The following GAK variants were observed in gnomAD, a reference collection of about 807,000 sequenced individuals.
GAK encodes cyclin G associated kinase.
GAK carries 79 observed loss-of-function variants against 143.9 expected under a neutral mutation model. The observed-to-expected ratio is 0.55, with a 90% CI of 0.46 to 0.66. The LOEUF (loss-of-function observed/expected upper bound fraction) is 0.66. Among genes scored for constraint, GAK ranks in the 30% least tolerant of loss-of-function variants. The probability of loss-of-function intolerance (pLI) is 0.00; values close to 1 mark genes in which losing one functional copy is unlikely to be tolerated. For missense variants in GAK, 1,693 were observed against 1,779.7 expected, an observed-to-expected ratio of 0.95 and a Z score of 0.88; for synonymous variants, 881 against 765.5, an observed-to-expected ratio of 1.15 and a Z score of -2.49.
intron 18 of GAK, 109 bp from the exon 19 acceptor site, chr4:871,013 G>C: frequency 1.0e-6 from 1 of 997,960 alleles, no homozygotes; most frequent in South Asian, 1.7e-5. Flanking sequence ...TGCAGGCAGC[G>C]GGGCGAGAAC....
Position 849,625 on chromosome 4 carries a change from C to T in GAK, c.*48G>A, listed in dbSNP as rs371367163. ...CACGGTGGGGACCCAGGTCCCACGA[C>T]GGCTCCCAACCTGTGGAGCTGTGTG... On this transcript the variant is annotated 3_prime_UTR_variant, in exon 28 of 28. Transcript: ENST00000314167. 233 of 1,474,788 alleles carry T rather than the reference C, an allele frequency of 1.6e-4. 2 individuals carry two copies. In the African/African-American group the frequency reaches 2.6e-3, roughly 17 times the overall value. The allele number at this position is 1,474,788 out of a possible 1,614,324, so 91.4% of individuals were successfully genotyped here.
chr4:889,945 T>C (rs913315243), intron 10 of GAK, among the ~76,000 whole-genome samples: 1 of 152,162 alleles, frequency 6.6e-6, no homozygotes, highest in Non-Finnish European at 1.5e-5. Flanking sequence ...AGGGGCCACC[T>C]CACACTAGCG....
At chr4:859,097 G>A in intron 24 of GAK, 2 of 888,780 alleles carry the variant, frequency 2.3e-6, no homozygotes, top group South Asian at 1.0e-4. Flanking sequence ...GGGGCATCAG[G>A]TCAGCCCAAG....
At chr4:876,681 C>A (rs1432362840) in intron 17 of GAK, 72 bp from the exon 18 acceptor site, 2 of 1,346,488 alleles carry the variant, frequency 1.5e-6, no homozygotes, top group Non-Finnish European at 2.1e-6. Flanking sequence ...GCCAATTTTT[C>A]CCAATGGGCG....
chr4:889,106 G>A lies in GAK; in HGVS notation c.1082-136C>T. On this transcript the variant is annotated intron_variant, in intron 10 of 27. Coordinates refer to ENST00000314167, the MANE Select transcript of GAK (RefSeq NM_005255.4). ...CTCGGTCCCACCTCCCCAGGTGCAG[G>A]TTGCTGGCTGGGCCCAGGCAGCAGG... The A allele has an allele frequency of 2.6e-6, 3 of 1,162,702 alleles. No homozygotes were observed. The South Asian group carries it at 4.8e-5, about 19-fold the overall frequency. The allele number at this position is 1,162,702 out of a possible 1,614,324, so 72.0% of individuals were successfully genotyped here.
At chr4:888,543 CG>C (rs1029666485) in intron 11 of GAK, 4 of 364,782 alleles carry the variant, frequency 1.1e-5, no homozygotes, top group Non-Finnish European at 2.0e-5. Context: ...TACAGAGTCC[CG>C]GGAACAAGCC....
intron 23 of GAK, among the ~76,000 whole-genome samples, chr4:864,527 G>A (rs563495259): frequency 1.3e-5 from 2 of 152,194 alleles, no homozygotes; most frequent in Non-Finnish European, 2.9e-5. Flanking sequence ...TGCAGCATAC[G>A]CATCCGCGCT....
At chr4:871,043 C>T (rs1489301645) in intron 18 of GAK, 139 bp from the exon 19 acceptor site, 5 of 727,916 alleles carry the variant, frequency 6.9e-6, no homozygotes, top group Admixed American at 3.1e-5. Context: ...AGCCGGCCAC[C>T]CCCGCCTGCG....
At chr4:906,724 C>T (rs1320277169) in intron 4 of GAK, among the ~76,000 whole-genome samples, 3 of 152,122 alleles carry the variant, frequency 2.0e-5, no homozygotes, top group Non-Finnish European at 2.9e-5. Context: ...CTCTGCTCAT[C>T]CCACTCCACA....
At chr4:869,946 CAA>C (rs1367915928) in intron 19 of GAK, 1 of 151,720 alleles carries the variant, frequency 6.6e-6, no homozygotes, top group African/African-American at 2.4e-5. Context: ...TGCACACACA[CAA>C]ATGGACGGTA....
chr4:862,550 T>A (rs946450634), intron 23 of GAK, among the ~76,000 whole-genome samples: 1 of 151,524 alleles, frequency 6.6e-6, no homozygotes, highest in Non-Finnish European at 1.5e-5. Flanking sequence ...CCCAGCTACT[T>A]GGGAGGCTGA....
chr4:883,921 T>C (rs3736083), intron 12 of GAK, 116 bp downstream of exon 12: 472,937 of 1,027,370 alleles, frequency 0.46, 110,411 homozygotes, highest in South Asian at 0.6. Flanking sequence ...CCTGTGAGTC[T>C]GTGGCCACAG....
chr4:884,691 T>C (rs548087248), intron 11 of GAK, among the ~76,000 whole-genome samples: 1 of 152,236 alleles, frequency 6.6e-6, no homozygotes, highest in Non-Finnish European at 1.5e-5. Context: ...GCAAGGACCC[T>C]GACAGGTTTA....
At chr4:859,556 C>T (rs1344371325) in intron 24 of GAK, 50 bp downstream of exon 24, 1 of 1,587,624 alleles carries the variant, frequency 6.3e-7, no homozygotes, top group South Asian at 1.1e-5. Context: ...CGAGAATAAA[C>T]CTCCTACAAG....
chr4:931,929 C>T, intron 1 of GAK, 114 bp downstream of exon 1: 1 of 793,566 alleles, frequency 1.3e-6, no homozygotes, highest in Non-Finnish European at 2.0e-6. Flanking sequence ...CACGATCCCG[C>T]TGGGACCCTC....
intron 15 of GAK, among the ~76,000 whole-genome samples, chr4:881,652 G>T (rs1057049263): frequency 1.3e-5 from 2 of 152,256 alleles, no homozygotes; most frequent in African/African-American, 4.8e-5. Context: ...ATTTGTCAGA[G>T]AACCTAGGAT....
intron 9 of GAK, among the ~76,000 whole-genome samples, chr4:892,617 GCCTGGGAGTGGAC>G (rs1717897289): frequency 6.6e-6 from 1 of 152,206 alleles, no homozygotes; most frequent in Admixed American, 6.5e-5. Flanking sequence ...AGCCACCGGT[GCCTGGGAGTGGAC>G]CCTGGCCAGG....
In GAK at chr4:884,037, C is replaced by T; in HGVS notation, c.1255G>A (p.Val419Met). 6.2e-7 allele frequency: 1 copy of T among 1,613,640 alleles called. No homozygotes were observed. The highest frequency in any genetic ancestry group is 8.5e-7 in the Non-Finnish European group (1 of 1,179,718). The change falls in exon 12 of 28, where the codon GTG becomes ATG. Residue 419 changes from valine to methionine, a missense_variant and splice_region_variant. Val to Met is a conservative substitution (Grantham distance 21). This residue lies in a region of GAK where 871 missense variants were observed against 991.0 expected (regional missense o/e 0.88). Coordinates refer to ENST00000314167, the MANE Select transcript of GAK (RefSeq NM_005255.4). The part of the protein sequence containing the change: ...DISYITSRIA[V>M]MSFPAEGVES... ...CCACAGCCTCATGTGGCACGCATACCTGCAATTCTGGATGTGATGTAAGAT... is the reference window on the plus strand; with the variant it reads ...CCACAGCCTCATGTGGCACGCATACTTGCAATTCTGGATGTGATGTAAGAT...
In GAK at chr4:892,834, C is replaced by T. The variant is rs532520034; in HGVS notation, c.990+543G>A. Among the ~76,000 whole-genome samples, 9 of 152,342 alleles carry T rather than the reference C, an allele frequency of 5.9e-5. No individual in the cohort carries two copies. The South Asian group carries it at 1.2e-3, about 21-fold the overall frequency. On this transcript the variant is annotated intron_variant, in intron 9 of 27. Transcript: ENST00000314167. Reference sequence around the variant, plus strand: ...CTGTCAGGGGAAGAATCTAGAAAGGCGCCTGCAAACCTCAAGGAGGCCAGA... The same window carrying T: ...CTGTCAGGGGAAGAATCTAGAAAGGTGCCTGCAAACCTCAAGGAGGCCAGA...
Sources: gnomAD v4.1 joint callset for allele counts (sites outside exome capture counted in the v4.1 genomes callset) on GRCh38, gnomAD v4.1.1 for gene constraint, gnomAD v4.1.1 regional missense constraint, MANE v1.5 for transcripts, NCBI Gene and HGNC (gene_info 2026-07-23, HGNC 2026-07-21) for gene names.